MCC: variants seen among roughly 807,000 people sequenced by gnomAD.
MCC encodes colorectal mutant cancer protein.
In MCC, 90 loss-of-function variants were observed where a neutral mutation model predicts 116.2. The observed-to-expected ratio is 0.77, with a 90% CI of 0.65 to 0.92. The LOEUF is 0.92. Ranked by LOEUF, MCC falls within the 40% of genes least tolerant of loss-of-function variation. The probability of loss-of-function intolerance (pLI) is 0.00; values close to 1 mark genes in which losing one functional copy is unlikely to be tolerated. For missense variants in MCC, 1,516 were observed against 1,312.2 expected, an observed-to-expected ratio of 1.16 and a Z score of -2.40; for synonymous variants, 578 against 510.5, an observed-to-expected ratio of 1.13 and a Z score of -1.78.
intron 1 of MCC, among the ~76,000 whole-genome samples, chr5:113,395,890 G>A (rs967399102): frequency 6.6e-6 from 1 of 152,216 alleles, no homozygotes; most frequent in Non-Finnish European, 1.5e-5. Context: ...CAGAATGGTG[G>A]GGGTGGGGGA....
intron 3 of MCC, among the ~76,000 whole-genome samples, chr5:113,157,220 G>A (rs1482548359): frequency 2.0e-5 from 3 of 152,176 alleles, no homozygotes; most frequent in Non-Finnish European, 4.4e-5. Context: ...ACTACCCAGT[G>A]CACACACCAC....
At chr5:113,458,129 G>T (rs59317861) in intron 1 of MCC, among the ~76,000 whole-genome samples, 2 of 152,260 alleles carry the variant, frequency 1.3e-5, no homozygotes, top group South Asian at 4.1e-4. Context: ...GCCCGAGCTA[G>T]CAGTGGCAAC....
Position 113,238,715 on chromosome 5 carries a change from T to C in MCC, c.628-87293A>G, listed in dbSNP as rs533781868. Among the ~76,000 whole-genome samples the C allele has an allele frequency of 7.2e-5, 11 of 152,326 alleles. 1 individual carries two copies. The South Asian group carries it at 2.3e-3, about 32-fold the overall frequency. ...CCCACATGCCAATGGGTATGGGATG[T>C]GGAAAGACTGCAATTCCATTCTTAC... On this transcript the variant is annotated intron_variant, in intron 3 of 18. Coordinates refer to ENST00000408903, the MANE Select transcript of MCC (RefSeq NM_001085377.2).
At chr5:113,106,519 T>C in intron 6 of MCC, among the ~76,000 whole-genome samples, 1 of 152,184 alleles carries the variant, frequency 6.6e-6, no homozygotes, top group East Asian at 1.9e-4. Context: ...CTAGGCTGAT[T>C]TTTTAAAATT....
At chr5:113,482,102 C>CT (rs1308174332) in intron 1 of MCC, among the ~76,000 whole-genome samples, 1 of 152,116 alleles carries the variant, frequency 6.6e-6, no homozygotes, top group African/African-American at 2.4e-5. Context: ...TACCTCATTC[C>CT]TTTTTATGGT....
chr5:113,030,918 A>T (rs1750910332), intron 17 of MCC, among the ~76,000 whole-genome samples: 1 of 152,140 alleles, frequency 6.6e-6, no homozygotes, highest in Non-Finnish European at 1.5e-5. Flanking sequence ...AGATATTTTT[A>T]CAATTTTGTA....
intron 1 of MCC, among the ~76,000 whole-genome samples, chr5:113,411,326 G>C (rs960542844): frequency 6.6e-6 from 1 of 152,136 alleles, no homozygotes; most frequent in Non-Finnish European, 1.5e-5. Flanking sequence ...GTATCTCACT[G>C]TGGTTTTGAT....
At position 113,236,642 on chromosome 5, in the gene MCC, G is replaced by A. The variant is rs147568407; in HGVS notation, c.628-85220C>T. Among the ~76,000 whole-genome samples, 72 of 152,250 alleles carry A rather than the reference G, an allele frequency of 4.7e-4. No homozygotes were observed. The South Asian group carries it at 8.5e-3, about 18-fold the overall frequency. ...TATAATGTTTATCTTCACTGTTAGC[G>A]TTGCCAACGATTAATATTACAATTT... On this transcript the variant is annotated intron_variant, in intron 3 of 18. Coordinates refer to ENST00000408903, the MANE Select transcript of MCC (RefSeq NM_001085377.2).
chr5:113,169,208 G>A (rs1228198580), intron 3 of MCC, among the ~76,000 whole-genome samples: 2 of 152,166 alleles, frequency 1.3e-5, no homozygotes, highest in African/African-American at 4.8e-5. Flanking sequence ...AATCCAAAGA[G>A]TAGGGGGAAG....
At chr5:113,125,708 C>T (rs1466440124) in intron 5 of MCC, among the ~76,000 whole-genome samples, 1 of 152,086 alleles carries the variant, frequency 6.6e-6, no homozygotes, top group Non-Finnish European at 1.5e-5. Flanking sequence ...ACCAAGAGTC[C>T]CTGGCAGTTT....
chr5:113,066,339 A>G (rs923186242), intron 13 of MCC, among the ~76,000 whole-genome samples: 3 of 152,334 alleles, frequency 2.0e-5, no homozygotes, highest in South Asian at 4.1e-4. Flanking sequence ...TAATTTAAAA[A>G]AATCCTGACA....
intron 1 of MCC, among the ~76,000 whole-genome samples, chr5:113,468,469 C>T (rs1771978670): frequency 6.6e-6 from 1 of 152,140 alleles, no homozygotes. Flanking sequence ...GTTCTGTTTA[C>T]ATGTTGGATT....
At chr5:113,163,734 C>T (rs1273621159) in intron 3 of MCC, among the ~76,000 whole-genome samples, 1 of 152,152 alleles carries the variant, frequency 6.6e-6, no homozygotes, top group Non-Finnish European at 1.5e-5. Flanking sequence ...TTATCCTTAC[C>T]TCTTCCCACC....
chr5:113,262,152 C>G (rs563598392), intron 3 of MCC, among the ~76,000 whole-genome samples: 70 of 152,102 alleles, frequency 4.6e-4, no homozygotes, highest in Non-Finnish European at 8.1e-4. Flanking sequence ...CAAGGTTCCC[C>G]GAAACAAATG....
chr5:113,415,275 G>T (rs1414516293), intron 1 of MCC, among the ~76,000 whole-genome samples: 1 of 152,140 alleles, frequency 6.6e-6, no homozygotes, highest in Non-Finnish European at 1.5e-5. Flanking sequence ...GAGTATCTTT[G>T]TGGTGTTCTC....
intron 5 of MCC, among the ~76,000 whole-genome samples, chr5:113,132,200 C>G (rs1006110743): frequency 1.7e-4 from 25 of 150,814 alleles, no homozygotes; most frequent in Admixed American, 2.6e-4. Context: ...AAACATTATT[C>G]CTAACAATAG....
chr5:113,294,517 C>T, intron 3 of MCC: 1 of 1,506,002 alleles, frequency 6.6e-7, no homozygotes, highest in Non-Finnish European at 8.9e-7. Context: ...TCACCCAGGA[C>T]AGTTGCGAAG....
chr5:113,112,128 C>T (rs921129615), intron 6 of MCC, among the ~76,000 whole-genome samples: 1 of 152,236 alleles, frequency 6.6e-6, no homozygotes, highest in African/African-American at 2.4e-5. Context: ...AAAGTATGGT[C>T]CCAGCTTCCA....
At chr5:113,263,130 C>A (rs1182497206) in intron 3 of MCC, among the ~76,000 whole-genome samples, 1 of 152,174 alleles carries the variant, frequency 6.6e-6, no homozygotes, top group Non-Finnish European at 1.5e-5. Context: ...ACGTTCAAGA[C>A]TGGCCCTAAT....
Sources: allele counts gnomAD v4.1 joint callset (sites outside exome capture counted in the v4.1 genomes callset), GRCh38; gene constraint gnomAD v4.1.1; transcripts MANE v1.5; gene names NCBI Gene and HGNC (gene_info 2026-07-23, HGNC 2026-07-21).